Variants in LYPLAL1 observed in about 807,000 individuals in gnomAD.
LYPLAL1 encodes lysophospholipase like 1, also known as lysophospholipase-like protein 1.
A neutral mutation model predicts 19.7 loss-of-function variants in LYPLAL1; 23 were observed. That is an observed-to-expected ratio of 1.17 (90% CI 0.84 to 1.65). The LOEUF is 1.65. Among genes scored for constraint, LYPLAL1 ranks in the 40% most tolerant of loss-of-function variants. The probability of loss-of-function intolerance (pLI) is 0.00; values close to 1 mark genes in which losing one functional copy is unlikely to be tolerated. For missense variants in LYPLAL1, 355 were observed against 279.4 expected, an observed-to-expected ratio of 1.27 and a Z score of -1.93; for synonymous variants, 119 against 96.3, an observed-to-expected ratio of 1.24 and a Z score of -1.38.
the LYPLAL1 span, among the ~76,000 whole-genome samples, chr1:219,345,232 A>C: frequency 1.3e-5 from 2 of 152,216 alleles, no homozygotes; most frequent in African/African-American, 4.8e-5. Flanking sequence ...CTCTATTAGA[A>C]AATAAACTCT....
the LYPLAL1 span, among the ~76,000 whole-genome samples, chr1:219,330,622 TA>T: frequency 6.6e-6 from 1 of 152,194 alleles, no homozygotes; most frequent in East Asian, 1.9e-4. Flanking sequence ...TATGCTAAGC[TA>T]AAAAGAAGGC....
the LYPLAL1 span, among the ~76,000 whole-genome samples, chr1:219,353,614 A>T: frequency 6.6e-6 from 1 of 152,258 alleles, no homozygotes; most frequent in Non-Finnish European, 1.5e-5. Flanking sequence ...TAAAATAAGC[A>T]TGAAAGGATA....
At chr1:219,218,629 A>G in the LYPLAL1 span, among the ~76,000 whole-genome samples, 1 of 152,116 alleles carries the variant, frequency 6.6e-6, no homozygotes, top group Non-Finnish European at 1.5e-5. Flanking sequence ...AAACATTTCA[A>G]GAAAATTCAG....
chr1:219,187,796 G>T (rs564811464), intron 2 of LYPLAL1, among the ~76,000 whole-genome samples: 1 of 151,800 alleles, frequency 6.6e-6, no homozygotes, highest in Non-Finnish European at 1.5e-5. Flanking sequence ...GATAGTAGGA[G>T]AGCCCTCTCC....
the LYPLAL1 span, among the ~76,000 whole-genome samples, chr1:219,422,626 A>T: frequency 6.6e-6 from 1 of 152,218 alleles, no homozygotes. Context: ...AAAAGAGTAC[A>T]TCTTAAAATA....
At chr1:219,348,806 A>G in the LYPLAL1 span, among the ~76,000 whole-genome samples, 1 of 152,202 alleles carries the variant, frequency 6.6e-6, no homozygotes, top group Non-Finnish European at 1.5e-5. Flanking sequence ...GCTATATATC[A>G]GAAACTTCCT....
At chr1:219,191,908 A>G (rs1657215081) in intron 2 of LYPLAL1, among the ~76,000 whole-genome samples, 1 of 151,596 alleles carries the variant, frequency 6.6e-6, no homozygotes, top group Non-Finnish European at 1.5e-5. Flanking sequence ...AGATCCCCGT[A>G]TATGAATTTT....
the LYPLAL1 span, among the ~76,000 whole-genome samples, chr1:219,335,684 A>G: frequency 6.6e-6 from 1 of 151,920 alleles, no homozygotes; most frequent in East Asian, 1.9e-4. Context: ...TCATTAATCT[A>G]TTCATTTACA....
chr1:219,404,789 C>T, the LYPLAL1 span, among the ~76,000 whole-genome samples: 11 of 152,312 alleles, frequency 7.2e-5, no homozygotes, highest in East Asian at 2.1e-3. Flanking sequence ...ATGTCCTCAA[C>T]ACAAAGACAT....
chr1:219,180,276 G>A (rs1428858021), intron 2 of LYPLAL1, among the ~76,000 whole-genome samples: 1 of 152,194 alleles, frequency 6.6e-6, no homozygotes, highest in East Asian at 1.9e-4. Flanking sequence ...ATGAGGCACT[G>A]CACCTGGCCT....
At chr1:219,410,369 GA>G in the LYPLAL1 span, 1 of 152,222 alleles carries the variant, frequency 6.6e-6, no homozygotes, top group African/African-American at 2.4e-5. Context: ...AAATAGATGG[GA>G]TTTTTTTGCT....
the LYPLAL1 span, among the ~76,000 whole-genome samples, chr1:219,310,220 A>G: frequency 6.6e-6 from 1 of 152,108 alleles, no homozygotes; most frequent in Non-Finnish European, 1.5e-5. Flanking sequence ...AAAGGGAGGG[A>G]ATGTTTTTGA....
chr1:219,216,523 A>G (rs138877754), downstream of LYPLAL1, among the ~76,000 whole-genome samples: 3 of 152,262 alleles, frequency 2.0e-5, no homozygotes, highest in South Asian at 2.1e-4. Context: ...GTCATACTCT[A>G]TATGATACTG....
chr1:219,273,138 A>G, the LYPLAL1 span: 1 of 152,212 alleles, frequency 6.6e-6, no homozygotes, highest in Non-Finnish European at 1.5e-5. Flanking sequence ...TGTTAAGATT[A>G]TTTACTATAT....
the LYPLAL1 span, chr1:219,437,005 C>CT: frequency 1.3e-5 from 2 of 152,276 alleles, no homozygotes; most frequent in Middle Eastern, 3.4e-3. Flanking sequence ...ACCAAGAAGG[C>CT]TAGGAGAAAA....
the LYPLAL1 span, among the ~76,000 whole-genome samples, chr1:219,378,630 G>A: frequency 5.3e-5 from 8 of 152,122 alleles, no homozygotes; most frequent in Non-Finnish European, 5.9e-5. Flanking sequence ...TTCTCCATCC[G>A]AGGAAGCTAC....
At chr1:219,332,293 C>T in the LYPLAL1 span, among the ~76,000 whole-genome samples, 1 of 152,124 alleles carries the variant, frequency 6.6e-6, no homozygotes, top group Non-Finnish European at 1.5e-5. Flanking sequence ...GGACCCCAGA[C>T]ACGTAACACT....
At chr1:219,291,301 G>A in the LYPLAL1 span, among the ~76,000 whole-genome samples, 6 of 152,272 alleles carry the variant, frequency 3.9e-5, no homozygotes, top group East Asian at 1.2e-3. Context: ...TTGTGTTTTA[G>A]TTCAGTCTTT....
chr1:219,411,923 G>A, the LYPLAL1 span: 10 of 163,592 alleles, frequency 6.1e-5, no homozygotes, highest in Admixed American at 6.5e-4. Context: ...GTTTGATTTT[G>A]AAGAATCTTT....
Sources: gnomAD v4.1 joint callset for allele counts (sites outside exome capture counted in the v4.1 genomes callset) on GRCh38, gnomAD v4.1.1 for gene constraint, MANE v1.5 for transcripts, NCBI Gene and HGNC (gene_info 2026-07-23, HGNC 2026-07-21) for gene names.